Variants in AGPAT2 observed in about 807,000 individuals in gnomAD.
AGPAT2 encodes the protein 1-acyl-sn-glycerol-3-phosphate acyltransferase beta.
A neutral mutation model predicts 26.1 loss-of-function variants in AGPAT2; 18 were observed. The observed-to-expected ratio is 0.69, with a 90% CI of 0.48 to 1.02. The LOEUF is 1.02. Among genes scored for constraint, AGPAT2 ranks in the 50% least tolerant of loss-of-function variants. AGPAT2 has a pLI of 0.00. For missense variants in AGPAT2, 415 were observed against 394.9 expected (o/e 1.05, Z -0.43); for synonymous variants, 200 against 174.2 (o/e 1.15, Z -1.16).
At chr9:136,675,258 G>A (rs532297663) in intron 4 of AGPAT2, among the ~76,000 whole-genome samples, 5 of 152,226 alleles carry the variant, frequency 3.3e-5, no homozygotes, top group East Asian at 3.9e-4. Flanking sequence ...GGAAGTCACC[G>A]GGGTCAAATC....
At position 136,673,897 on chromosome 9, in the gene AGPAT2, A is replaced by G. The variant is rs747223219; in HGVS notation, c.692T>C (p.Ile231Thr). 3 of 1,596,488 alleles carry G rather than the reference A, an allele frequency of 1.9e-6. No homozygotes were observed. Among genetic ancestry groups the G allele is most frequent in the Non-Finnish European group, 1.7e-6 (2 of 1,172,524 alleles). The stretch of plus-strand genomic sequence containing the variant: ...CGCCGCAGTGAGGCCGCTGGTGGGG[A>G]TGGCTTCCAGCACCTGCACTGTGAC... ...GTVTVQVLEA[I>T]PTSGLTAADV... Residue 231 changes from isoleucine to threonine, a missense_variant, in exon 6 of 6, where the codon ATC becomes ACC. By Grantham distance (89) the Ile-to-Thr change is moderately conservative (BLOSUM62 -1). Transcript: ENST00000371696.
chr9:136,680,653 T>TA (rs1487535946), intron 1 of AGPAT2, among the ~76,000 whole-genome samples: 1 of 152,078 alleles, frequency 6.6e-6, no homozygotes, highest in East Asian at 1.9e-4. Flanking sequence ...CTGAAATTAT[T>TA]AAAAAATAAG....
Position 136,687,220 on chromosome 9 carries a change from G to A in AGPAT2, c.138C>T (p.Leu46=), listed in dbSNP as rs528205471. The change falls in exon 1 of 6, where the codon CTC becomes CTT. Residue 46 remains leucine (L), a synonymous_variant. Coordinates refer to ENST00000371696, the MANE Select transcript of AGPAT2 (RefSeq NM_006412.4). ...LCFTVSAVAS[L]VCLLRHGGRT... ...GGCCGCCGTGGCGCAGCAGGCAGACGAGCGAGGCCACGGCGGACACCGTGA... is the reference window on the plus strand; with the variant it reads ...GGCCGCCGTGGCGCAGCAGGCAGACAAGCGAGGCCACGGCGGACACCGTGA... The A allele has an allele frequency of 3.1e-6, 5 of 1,594,134 alleles. No homozygotes were observed. The highest frequency in any genetic ancestry group is 2.2e-5 in the South Asian group (2 of 89,314).
chr9:136,674,025 C>T lies in AGPAT2; in HGVS notation c.662-98G>A, dbSNP rs1588261225. The T allele has an allele frequency of 6.4e-6, 8 of 1,251,484 alleles. No homozygotes were observed. The Admixed American group carries it at 2.4e-4, about 37-fold the overall frequency. 77.5% of individuals were successfully genotyped at this position (1,251,484 alleles called of 1,614,324 possible). ...GCCTCTCCCCAGCCCCCCACAGCCC[C>T]TCCCTGGGAAGCCCGAGGCCGGGCT... On this transcript the variant is annotated intron_variant, in intron 5 of 5. Coordinates refer to ENST00000371696, the MANE Select transcript of AGPAT2 (RefSeq NM_006412.4).
At chr9:136,683,658 C>T (rs1022763545) in intron 1 of AGPAT2, among the ~76,000 whole-genome samples, 2 of 152,322 alleles carry the variant, frequency 1.3e-5, no homozygotes, top group East Asian at 1.9e-4. Flanking sequence ...CTCCTCAAAG[C>T]GGATGTGTAG....
chr9:136,686,383 C>T (rs755702588), intron 1 of AGPAT2, among the ~76,000 whole-genome samples: 2 of 152,242 alleles, frequency 1.3e-5, no homozygotes, highest in Non-Finnish European at 2.9e-5. Context: ...AGAGCCTTCT[C>T]CAGCAGCCAC....
At chr9:136,680,064 G>A (rs1195194884) in intron 1 of AGPAT2, among the ~76,000 whole-genome samples, 3 of 152,190 alleles carry the variant, frequency 2.0e-5, no homozygotes, top group Non-Finnish European at 4.4e-5. Flanking sequence ...GGAAAGAACA[G>A]GACAGGTCCA....
intron 1 of AGPAT2, among the ~76,000 whole-genome samples, chr9:136,685,484 C>G (rs1393898925): frequency 1.3e-5 from 2 of 152,226 alleles, no homozygotes; most frequent in Non-Finnish European, 2.9e-5. Context: ...GCCAGGCTTT[C>G]TCACACGAGG....
chr9:136,674,892 C>G (rs1360279891), intron 4 of AGPAT2, 85 bp from the exon 5 acceptor site: 1 of 1,009,406 alleles, frequency 9.9e-7, no homozygotes, highest in Admixed American at 3.8e-5. Context: ...GGAGCCCTGT[C>G]CTGCGGCCCA....
In AGPAT2 at chr9:136,687,306, C is replaced by CCAGCAGCAG; in HGVS notation, c.43_51dup (p.Leu15_Leu17dup). On this transcript the variant is annotated inframe_insertion, in exon 1 of 6. Coordinates refer to ENST00000371696, the MANE Select transcript of AGPAT2 (RefSeq NM_006412.4). ...AACTCGGCCGCGCGGCTCAGCTGCACCAGCAGCAGCAGCAACAGCAGCGCC... is the reference window on the plus strand; with the variant it reads ...AACTCGGCCGCGCGGCTCAGCTGCACCAGCAGCAGCAGCAGCAGCAGCAACAGCAGCGCC... 6.3e-7 allele frequency: 1 copy of CCAGCAGCAG among 1,575,590 alleles called. No homozygotes were observed. Among genetic ancestry groups the CCAGCAGCAG allele is most frequent in the Non-Finnish European group, 8.6e-7 (1 of 1,166,010 alleles).
intron 1 of AGPAT2, among the ~76,000 whole-genome samples, chr9:136,684,447 C>T (rs774803096): frequency 5.3e-5 from 8 of 152,230 alleles, no homozygotes; most frequent in Non-Finnish European, 1.2e-4. Flanking sequence ...GCCCCAAGCC[C>T]GGTGGGAACG....
At position 136,681,577 on chromosome 9, in the gene AGPAT2, A is replaced by C. The variant is rs374900553; in HGVS notation, c.183-4021T>G. Reference sequence around the variant, plus strand: ...AGGACTTTGGGAGGCCAAGGCGGGCAGATCACCTGAGGTCAGGAGTTCAAG... The same window carrying C: ...AGGACTTTGGGAGGCCAAGGCGGGCCGATCACCTGAGGTCAGGAGTTCAAG... On this transcript the variant is annotated intron_variant, in intron 1 of 5. Coordinates refer to ENST00000371696, the MANE Select transcript of AGPAT2 (RefSeq NM_006412.4). 6.4e-3 allele frequency among the ~76,000 whole-genome samples: 981 copies of C among 152,284 alleles called. 7 individuals are homozygous for C. Among genetic ancestry groups the C allele is most frequent in the African/African-American group, 0.022 (932 of 41,544 alleles).
At chr9:136,678,527 G>T (rs1025932414) in intron 1 of AGPAT2, among the ~76,000 whole-genome samples, 1 of 152,332 alleles carries the variant, frequency 6.6e-6, no homozygotes, top group East Asian at 1.9e-4. Flanking sequence ...AGGGGTGGAT[G>T]GCCGGGGCAA....
At chr9:136,681,868 G>C (rs573665586) in intron 1 of AGPAT2, among the ~76,000 whole-genome samples, 1 of 152,018 alleles carries the variant, frequency 6.6e-6, no homozygotes, top group Non-Finnish European at 1.5e-5. Flanking sequence ...AGGCTCCTGC[G>C]GCCGAGGACA....
intron 4 of AGPAT2, among the ~76,000 whole-genome samples, chr9:136,675,552 C>G (rs13297126): frequency 0.05 from 6,088 of 121,250 alleles, 529 homozygotes; most frequent in Middle Eastern, 0.11. Flanking sequence ...TGGGGACTGG[C>G]AGCAGGGAGG....
In AGPAT2 at chr9:136,677,101, T is replaced by C. The variant is rs1846101936; in HGVS notation, c.352A>G (p.Ile118Val). 2.5e-6 allele frequency: 4 copies of C among 1,613,084 alleles called. No individual in the cohort carries two copies. Among genetic ancestry groups the C allele is most frequent in the Non-Finnish European group, 3.4e-6 (4 of 1,179,966 alleles). ...MEVLPERCVQIAKRELLFLGP... is the reference protein window; with the variant it reads ...MEVLPERCVQVAKRELLFLGP... ...AGGAAGAGCAGCTCCCGCTTGGCGA[T>C]CTGCACGCAGCGCTCCGGAAGGACC... The change falls in exon 3 of 6, where the codon ATC (isoleucine) becomes GTC (valine). Residue 118 changes from isoleucine to valine, a missense_variant. By Grantham distance (29) the Ile-to-Val change is conservative. Transcript: ENST00000371696.
rs1266548148 is a variant in AGPAT2 at position 136,676,981 on chromosome 9, C to T, written c.472G>A (p.Glu158Lys). 1.7e-5 allele frequency: 28 copies of T among 1,608,824 alleles called. No individual in the cohort carries two copies. The highest frequency in any genetic ancestry group is 1.7e-4 in the Middle Eastern group (1 of 6,052). ...TAMTVMADLG[E>K]RMVRENLKVW... The stretch of plus-strand genomic sequence containing the variant: ...CTCACGTTCTCCCTGACCATGCGCT[C>T]GCCCAGGTCGGCCATCACTGTCATG... The change falls in exon 3 of 6, where the codon GAG becomes AAG. Residue 158 changes from glutamate to lysine, a missense_variant. Coordinates refer to ENST00000371696, the MANE Select transcript of AGPAT2 (RefSeq NM_006412.4).
chr9:136,673,437 G>T lies in AGPAT2; in HGVS notation c.*315C>A, dbSNP rs951113943. 1 of 262,754 alleles carries T rather than the reference G, an allele frequency of 3.8e-6. No individual in the cohort carries two copies. Among genetic ancestry groups the T allele is most frequent in the Non-Finnish European group, 7.2e-6 (1 of 138,552 alleles). The allele number at this position is 262,754 out of a possible 1,614,324, so 16.3% of individuals were successfully genotyped here. A position where few individuals can be genotyped will look rare whatever the true frequency, so the allele number is the denominator to read the frequency against. On this transcript the variant is annotated 3_prime_UTR_variant, in exon 6 of 6. Coordinates refer to ENST00000371696, the MANE Select transcript of AGPAT2 (RefSeq NM_006412.4). ...TCCTCCCATCTGCTCCTGGGCCATC[G>T]GGGGCCTTGTGGCTCAGCCCACCAG...
chr9:136,680,604 T>C (rs780579798), intron 1 of AGPAT2, among the ~76,000 whole-genome samples: 48 of 152,182 alleles, frequency 3.2e-4, no homozygotes, highest in Non-Finnish European at 5.6e-4. Flanking sequence ...GAGGGCCACA[T>C]GGGGTCCCCC....
Sources: gnomAD v4.1 joint callset for allele counts (sites outside exome capture counted in the v4.1 genomes callset) on GRCh38, gnomAD v4.1.1 for gene constraint, MANE v1.5 for transcripts, NCBI Gene and HGNC (gene_info 2026-07-23, HGNC 2026-07-21) for gene names.